Variants in ARHGEF26 observed in about 807,000 individuals in gnomAD.
ARHGEF26 encodes the protein Rho guanine nucleotide exchange factor (GEF) 26.
In ARHGEF26, 59 loss-of-function variants were observed where a neutral mutation model predicts 89.4. The observed-to-expected ratio is 0.66, with a 90% CI of 0.54 to 0.82. The LOEUF (loss-of-function observed/expected upper bound fraction) is 0.82, where lower values mean the gene tolerates loss of function less well. Among genes scored for constraint, ARHGEF26 ranks in the 40% least tolerant of loss-of-function variants. ARHGEF26 has a pLI of 0.00. For synonymous variants in ARHGEF26, 500 were observed against 428.4 expected (o/e 1.17, Z -2.06); for missense variants, 1,234 against 1,085.6 (o/e 1.14, Z -1.92).
chr3:154,251,344 T>C (rs542344019), intron 12 of ARHGEF26, among the ~76,000 whole-genome samples: 2 of 152,238 alleles, frequency 1.3e-5, no homozygotes, highest in Non-Finnish European at 2.9e-5. Flanking sequence ...TGCTTCAGAA[T>C]ATTATTTAGA....
intron 6 of ARHGEF26, among the ~76,000 whole-genome samples, chr3:154,170,645 T>C (rs1215057223): frequency 6.6e-6 from 1 of 152,204 alleles, no homozygotes; most frequent in Non-Finnish European, 1.5e-5. Flanking sequence ...AAAATGGAGA[T>C]GATACCACTA....
chr3:154,191,391 G>A lies in ARHGEF26; in HGVS notation c.1743G>A (p.Arg581=), dbSNP rs973188912. The A allele has an allele frequency of 1.2e-6, 2 of 1,613,770 alleles. No individual in the cohort carries two copies. Among genetic ancestry groups the A allele is most frequent in the Non-Finnish European group, 1.7e-6 (2 of 1,179,802 alleles). The change falls in exon 8 of 15, where the codon AGG becomes AGA. Residue 581 remains arginine, a synonymous_variant. Coordinates refer to ENST00000465093, the MANE Select transcript of ARHGEF26 (RefSeq NM_015595.4). ...CTTTTCTCATTCTCCCCATGCAGAG[G>A]GTGACCCGCCTTCCCCTGCTGATGG... ...MISFLILPMQ[R]VTRLPLLMDT...
Position 154,257,059 on chromosome 3 carries a change from C to G in ARHGEF26, c.*1586C>G. On this transcript the variant is annotated 3_prime_UTR_variant, in exon 15 of 15. Coordinates refer to ENST00000465093, the MANE Select transcript of ARHGEF26 (RefSeq NM_015595.4). ...ATCTGTATGTGACATGTCCCAACTA[C>G]TGTCCGCTAACTAGTTATCCAAATT... The G allele has an allele frequency of 7.3e-7, 1 of 1,377,068 alleles. No homozygotes were observed. Among genetic ancestry groups the G allele is most frequent in the Non-Finnish European group, 9.4e-7 (1 of 1,060,026 alleles). 85.3% of individuals were successfully genotyped at this position (1,377,068 alleles called of 1,614,324 possible). A position where few individuals can be genotyped will look rare whatever the true frequency, so the allele number is the denominator to read the frequency against.
intron 10 of ARHGEF26, among the ~76,000 whole-genome samples, chr3:154,222,780 AT>A (rs1426543551): frequency 6.6e-6 from 1 of 152,180 alleles, no homozygotes; most frequent in Non-Finnish European, 1.5e-5. Flanking sequence ...TCAAGGGACC[AT>A]TTTTTGTGAA....
chr3:154,128,692 A>T (rs10935975), intron 3 of ARHGEF26, among the ~76,000 whole-genome samples: 1 of 152,002 alleles, frequency 6.6e-6, no homozygotes, highest in African/African-American at 2.4e-5. Context: ...CTGTTTGGGC[A>T]CTAGTTCTTC....
intron 6 of ARHGEF26, among the ~76,000 whole-genome samples, chr3:154,172,142 G>T: frequency 6.6e-6 from 1 of 152,202 alleles, no homozygotes; most frequent in South Asian, 2.1e-4. Flanking sequence ...CTCATTCAGG[G>T]TGTCATCAGT....
chr3:154,191,464 TC>T, intron 8 of ARHGEF26, 46 bp downstream of exon 8: 1 of 1,569,190 alleles, frequency 6.4e-7, no homozygotes, highest in Non-Finnish European at 8.6e-7. Context: ...GCTGTGCTTC[TC>T]TAAATCTGAT....
Position 154,149,425 on chromosome 3 carries a change from G to A in ARHGEF26, c.1306G>A (p.Glu436Lys), listed in dbSNP as rs748358997. Reference protein sequence around the residue: ...RKGLSQTVSQEERKRQEAIFE... With the variant: ...RKGLSQTVSQKERKRQEAIFE... ...GGGATTATCTCAGACAGTAAGCCAG[G>A]AGGAAAGAAAGAGACAAGAGGTATG... Residue 436 changes from glutamate (E) to lysine (K), a missense_variant, in exon 5 of 15, where the codon GAG becomes AAG. Coordinates refer to ENST00000465093, the MANE Select transcript of ARHGEF26 (RefSeq NM_015595.4). 1 of 1,608,812 alleles carries A rather than the reference G, an allele frequency of 6.2e-7. No individual in the cohort carries two copies. Among genetic ancestry groups the A allele is most frequent in the African/African-American group, 1.3e-5 (1 of 75,006 alleles).
At chr3:154,145,716 A>G (rs1713822) in intron 4 of ARHGEF26, among the ~76,000 whole-genome samples, 138,244 of 152,196 alleles carry the variant, frequency 0.91, 63,010 homozygotes, top group East Asian at 1. Context: ...TTTACTTCAC[A>G]GAAAATGATT....
intron 8 of ARHGEF26, among the ~76,000 whole-genome samples, chr3:154,193,774 A>T (rs1196694692): frequency 6.6e-6 from 1 of 152,150 alleles, no homozygotes; most frequent in African/African-American, 2.4e-5. Context: ...ATCACAAATG[A>T]AATTTCTCAG....
At chr3:154,150,257 T>C (rs1397929697) in intron 5 of ARHGEF26, among the ~76,000 whole-genome samples, 4 of 151,786 alleles carry the variant, frequency 2.6e-5, no homozygotes, top group Non-Finnish European at 5.9e-5. Context: ...CCACTGAGAA[T>C]TAACAAATGT....
chr3:154,257,182 C>CTT lies in ARHGEF26; in HGVS notation c.*1710_*1711dup, dbSNP rs373896425. 40 of 479,292 alleles carry CTT rather than the reference C, an allele frequency of 8.3e-5. No individual in the cohort carries two copies. Among genetic ancestry groups the CTT allele is most frequent in the African/African-American group, 6.7e-4 (34 of 50,626 alleles). 29.7% of individuals were successfully genotyped at this position (479,292 alleles called of 1,614,324 possible). ...ATGAGCCAGTGTGGGGCACTGGGGACTTCTAACCCTTGGATTGCTCTTTTT... is the reference window on the plus strand; with the variant it reads ...ATGAGCCAGTGTGGGGCACTGGGGACTTTTCTAACCCTTGGATTGCTCTTTTT... On this transcript the variant is annotated 3_prime_UTR_variant, in exon 15 of 15. Coordinates refer to ENST00000465093, the MANE Select transcript of ARHGEF26 (RefSeq NM_015595.4).
At chr3:154,234,157 G>A (rs1369905395) in intron 11 of ARHGEF26, among the ~76,000 whole-genome samples, 4 of 152,182 alleles carry the variant, frequency 2.6e-5, no homozygotes, top group Non-Finnish European at 4.4e-5. Flanking sequence ...GCGGGTACGT[G>A]AGAGTTACAC....
At chr3:154,172,013 C>T (rs550618431) in intron 6 of ARHGEF26, among the ~76,000 whole-genome samples, 2 of 152,196 alleles carry the variant, frequency 1.3e-5, no homozygotes, top group Admixed American at 1.3e-4. Context: ...AATCAACATA[C>T]CTTAAGAATG....
chr3:154,176,037 A>C (rs1254432829), intron 6 of ARHGEF26, among the ~76,000 whole-genome samples: 1 of 152,204 alleles, frequency 6.6e-6, no homozygotes, highest in Non-Finnish European at 1.5e-5. Context: ...CTGACAACTC[A>C]AACAGTATTG....
intron 4 of ARHGEF26, among the ~76,000 whole-genome samples, chr3:154,135,134 G>C (rs62279469): frequency 2.0e-5 from 3 of 152,026 alleles, no homozygotes; most frequent in South Asian, 2.1e-4. Flanking sequence ...ATTTTTTTTG[G>C]AATAGTTTCA....
intron 12 of ARHGEF26, among the ~76,000 whole-genome samples, chr3:154,247,628 T>G (rs903714894): frequency 8.7e-6 from 1 of 114,294 alleles, no homozygotes; most frequent in Non-Finnish European, 1.8e-5. Flanking sequence ...CTTTTCTCTA[T>G]CTGAGACAAG....
At chr3:154,142,503 G>T (rs1259509115) in intron 4 of ARHGEF26, among the ~76,000 whole-genome samples, 2 of 152,166 alleles carry the variant, frequency 1.3e-5, no homozygotes, top group South Asian at 4.1e-4. Context: ...GAAAGCATCA[G>T]TTTACTCTAT....
At chr3:154,192,366 T>G (rs1714004744) in intron 8 of ARHGEF26, among the ~76,000 whole-genome samples, 1 of 152,254 alleles carries the variant, frequency 6.6e-6, no homozygotes, top group South Asian at 2.1e-4. Flanking sequence ...AAATACATTC[T>G]TTAAAAATGC....
Sources: allele counts gnomAD v4.1 joint callset (sites outside exome capture counted in the v4.1 genomes callset), GRCh38; gene constraint gnomAD v4.1.1; transcripts MANE v1.5; gene names NCBI Gene and HGNC (gene_info 2026-07-23, HGNC 2026-07-21).